The following KHDRBS2 variants were observed in gnomAD, a reference collection of about 807,000 sequenced individuals.
KHDRBS2 encodes the protein KH RNA binding domain containing, signal transduction associated 2, also known as KH domain-containing, RNA-binding, signal transduction-associated protein 2.
In KHDRBS2, 26 loss-of-function variants were observed where a neutral mutation model predicts 44.3. That is an observed-to-expected ratio of 0.59 (90% CI 0.43 to 0.81). The LOEUF (loss-of-function observed/expected upper bound fraction) is 0.81, where lower values mean the gene tolerates loss of function less well. Among genes scored for constraint, KHDRBS2 ranks in the 40% least tolerant of loss-of-function variants. The pLI, the probability that KHDRBS2 is intolerant of heterozygous loss-of-function variation, is 0.00. For missense variants in KHDRBS2, 476 were observed against 433.1 expected (o/e 1.10, Z -0.88); for synonymous variants, 194 against 151.1 (o/e 1.28, Z -2.08).
chr6:61,559,116 A>G, the KHDRBS2 span, among the ~76,000 whole-genome samples: 370 of 152,180 alleles, frequency 2.4e-3, 2 homozygotes, highest in African/African-American at 8.5e-3. Context: ...ATGCATATAT[A>G]TTTACAAGCA....
chr6:61,562,581 A>G, the KHDRBS2 span, among the ~76,000 whole-genome samples: 1 of 152,190 alleles, frequency 6.6e-6, no homozygotes, highest in Non-Finnish European at 1.5e-5. Context: ...GAAACCAGAT[A>G]GGCCTTTTGT....
At chr6:62,030,603 G>A (rs144759360) in intron 3 of KHDRBS2, among the ~76,000 whole-genome samples, 48 of 152,118 alleles carry the variant, frequency 3.2e-4, no homozygotes, top group East Asian at 2.1e-3. Context: ...ATTAAGAAGA[G>A]TCTTTCCTAG....
chr6:61,918,576 T>C (rs1341308552), intron 4 of KHDRBS2, among the ~76,000 whole-genome samples: 1 of 151,864 alleles, frequency 6.6e-6, no homozygotes, highest in Non-Finnish European at 1.5e-5. Flanking sequence ...TAGGAAGAGA[T>C]CCCTCACCAG....
At chr6:61,839,204 T>A (rs1793193972) in intron 6 of KHDRBS2, among the ~76,000 whole-genome samples, 1 of 152,132 alleles carries the variant, frequency 6.6e-6, no homozygotes, top group African/African-American at 2.4e-5. Flanking sequence ...TCTTATATTA[T>A]CTCATTGCAA....
intron 3 of KHDRBS2, among the ~76,000 whole-genome samples, chr6:62,015,558 G>A (rs535740718): frequency 8.5e-5 from 13 of 152,120 alleles, no homozygotes; most frequent in African/African-American, 2.9e-4. Context: ...AAAGTCCCCT[G>A]ATCCTTCTTT....
At chr6:62,088,219 T>C (rs1360316922) in intron 2 of KHDRBS2, among the ~76,000 whole-genome samples, 1 of 152,196 alleles carries the variant, frequency 6.6e-6, no homozygotes, top group Non-Finnish European at 1.5e-5. Flanking sequence ...TCATTCTCCA[T>C]CATCCAGTTT....
intron 2 of KHDRBS2, among the ~76,000 whole-genome samples, chr6:62,094,786 A>C (rs1800218724): frequency 1.3e-5 from 2 of 151,894 alleles, no homozygotes; most frequent in African/African-American, 4.8e-5. Flanking sequence ...GTCGATATCC[A>C]GTTTCCTCAT....
chr6:61,544,068 T>C, the KHDRBS2 span, among the ~76,000 whole-genome samples: 1 of 152,020 alleles, frequency 6.6e-6, no homozygotes, highest in Non-Finnish European at 1.5e-5. Flanking sequence ...CTACAGTCAA[T>C]AACAATTCAA....
intron 2 of KHDRBS2, among the ~76,000 whole-genome samples, chr6:62,121,656 C>T (rs9445960): frequency 0.044 from 6,717 of 152,258 alleles, 494 homozygotes; most frequent in African/African-American, 0.15. Context: ...AGGGGTATAT[C>T]ATCTCCCCGG....
chr6:61,908,547 T>C (rs1426954893), intron 4 of KHDRBS2, among the ~76,000 whole-genome samples: 6 of 147,616 alleles, frequency 4.1e-5, no homozygotes. Flanking sequence ...GGCAGGAGAA[T>C]GGCATGAACC....
chr6:61,786,121 T>C (rs1034310302), intron 6 of KHDRBS2, among the ~76,000 whole-genome samples: 1 of 152,060 alleles, frequency 6.6e-6, no homozygotes, highest in African/African-American at 2.4e-5. Context: ...GTTTGAAAAG[T>C]GTAAACAATG....
chr6:61,602,831 T>A, the KHDRBS2 span, among the ~76,000 whole-genome samples: 2 of 152,158 alleles, frequency 1.3e-5, no homozygotes, highest in Non-Finnish European at 2.9e-5. Context: ...GCACTCCTTT[T>A]TAGTTATCCC....
intron 2 of KHDRBS2, among the ~76,000 whole-genome samples, chr6:62,147,828 G>A (rs991747879): frequency 2.6e-5 from 4 of 151,834 alleles, no homozygotes; most frequent in Admixed American, 1.3e-4. Context: ...TACCTGGCAC[G>A]GTTGCCTGAG....
chr6:61,683,169 A>G (rs937761053), intron 8 of KHDRBS2, among the ~76,000 whole-genome samples: 1 of 151,860 alleles, frequency 6.6e-6, no homozygotes, highest in Non-Finnish European at 1.5e-5. Context: ...AATGTTCCTG[A>G]AAAACAGCTA....
At chr6:61,665,059 T>C in the KHDRBS2 span, among the ~76,000 whole-genome samples, 24 of 151,722 alleles carry the variant, frequency 1.6e-4, no homozygotes, top group Non-Finnish European at 3.1e-4. Context: ...TCATGTCTAG[T>C]CTATTTTTGA....
chr6:62,100,637 C>G (rs1801648740), intron 2 of KHDRBS2, among the ~76,000 whole-genome samples: 1 of 152,140 alleles, frequency 6.6e-6, no homozygotes, highest in Admixed American at 6.6e-5. Context: ...CCCTAACCAG[C>G]AAAAAGACTG....
At chr6:62,150,227 T>C (rs1222706461) in intron 2 of KHDRBS2, among the ~76,000 whole-genome samples, 1 of 151,820 alleles carries the variant, frequency 6.6e-6, no homozygotes, top group African/African-American at 2.4e-5. Flanking sequence ...TTTTCAGTAA[T>C]GGCCCTGACA....
intron 2 of KHDRBS2, among the ~76,000 whole-genome samples, chr6:62,065,511 T>A (rs992600096): frequency 1.3e-5 from 2 of 151,370 alleles, no homozygotes; most frequent in Admixed American, 6.6e-5. Flanking sequence ...GAAATCATCA[T>A]TCTCAGTAAA....
At chr6:62,180,523 A>G (rs1822049250) in intron 1 of KHDRBS2, among the ~76,000 whole-genome samples, 1 of 151,914 alleles carries the variant, frequency 6.6e-6, no homozygotes. Context: ...AACCAAAAGC[A>G]TTGATGAAAT....
Sources: allele counts gnomAD v4.1 joint callset (sites outside exome capture counted in the v4.1 genomes callset), GRCh38; gene constraint gnomAD v4.1.1; transcripts MANE v1.5; gene names NCBI Gene and HGNC (gene_info 2026-07-23, HGNC 2026-07-21).